MKLN1: variants seen among roughly 807,000 people sequenced by gnomAD.
MKLN1 encodes muskelin 1.
A neutral mutation model predicts 99.0 loss-of-function variants in MKLN1; 18 were observed. The ratio of observed to expected loss-of-function variants is 0.18; its 90% CI spans 0.13 to 0.27. MKLN1 has a LOEUF of 0.27. MKLN1 is among the 10% of genes least tolerant of loss of function. MKLN1 has a pLI of 1.00. For missense variants in MKLN1, 621 were observed against 875.9 expected (o/e 0.71, Z 3.67); for synonymous variants, 288 against 293.2 (o/e 0.98, Z 0.18).
chr7:131,223,586 C>T (rs987865617), intron 3 of MKLN1, among the ~76,000 whole-genome samples: 6 of 152,078 alleles, frequency 3.9e-5, no homozygotes, highest in African/African-American at 1.2e-4. Context: ...GTCAGCTTGC[C>T]GCTCTTAATT....
rs202238359 is a variant in MKLN1 at position 131,185,587 on chromosome 7, T to TA, written c.-296-17264dup. On this transcript the variant is annotated intron_variant, in intron 2 of 7. Transcript: ENST00000416992. ...AGCAAGATTCCATCTCAAAAAAAAA[T>TA]AAAAAATAAAAAAATTACTTTCCCA... is the stretch of plus-strand genomic sequence containing the variant. 8.4e-3 allele frequency among the ~76,000 whole-genome samples: 1,274 copies of TA among 151,444 alleles called. 12 individuals carry two copies. The highest frequency in any genetic ancestry group is 0.048 in the Middle Eastern group (14 of 290).
At chr7:131,344,789 A>T (rs533950872) in intron 1 of MKLN1, among the ~76,000 whole-genome samples, 3 of 152,242 alleles carry the variant, frequency 2.0e-5, no homozygotes, top group African/African-American at 7.2e-5. Flanking sequence ...TCAATTTGTC[A>T]GTTGATGGAT....
intron 2 of MKLN1, among the ~76,000 whole-genome samples, chr7:131,193,120 T>C (rs1298591972): frequency 1.3e-5 from 2 of 152,178 alleles, no homozygotes; most frequent in Non-Finnish European, 2.9e-5. Context: ...TACAGAATTG[T>C]TTAGGGATTT....
chr7:131,343,390 A>G (rs1367824626), intron 1 of MKLN1, among the ~76,000 whole-genome samples: 4 of 152,024 alleles, frequency 2.6e-5, no homozygotes, highest in Non-Finnish European at 5.9e-5. Flanking sequence ...TCTTATCCTT[A>G]TTTCTTTCCA....
chr7:131,252,976 A>C (rs929505183), intron 3 of MKLN1, among the ~76,000 whole-genome samples: 4 of 152,130 alleles, frequency 2.6e-5, no homozygotes, highest in Admixed American at 6.6e-5. Flanking sequence ...AGTCAAGAAA[A>C]AGTTTAGTGT....
At chr7:131,422,779 G>T (rs1182683394) in intron 8 of MKLN1, among the ~76,000 whole-genome samples, 3 of 151,602 alleles carry the variant, frequency 2.0e-5, no homozygotes. Context: ...TAAGGATACA[G>T]TGACCATTTT....
At chr7:131,236,545 T>C (rs1229331503) in intron 3 of MKLN1, among the ~76,000 whole-genome samples, 1 of 151,836 alleles carries the variant, frequency 6.6e-6, no homozygotes, top group Non-Finnish European at 1.5e-5. Context: ...CCTGTAGTCC[T>C]AGCTAATAGG....
intron 3 of MKLN1, among the ~76,000 whole-genome samples, chr7:131,238,486 GAT>G (rs1246979542): frequency 4.6e-5 from 7 of 152,196 alleles, no homozygotes; most frequent in Non-Finnish European, 1.0e-4. Flanking sequence ...GAGGTCATGA[GAT>G]CACTTATTTG....
intron 12 of MKLN1, among the ~76,000 whole-genome samples, chr7:131,450,736 C>T (rs1393455525): frequency 2.0e-5 from 3 of 152,182 alleles, no homozygotes; most frequent in Non-Finnish European, 1.5e-5. Context: ...TACTGCTTAC[C>T]TCTCAGATCT....
intron 3 of MKLN1, among the ~76,000 whole-genome samples, chr7:131,213,371 T>C (rs1796934450): frequency 6.6e-6 from 1 of 152,240 alleles, no homozygotes; most frequent in Non-Finnish European, 1.5e-5. Context: ...GCCTTAAGGA[T>C]GTGAAGGTTG....
chr7:131,195,022 C>T (rs750267819), intron 2 of MKLN1, among the ~76,000 whole-genome samples: 10 of 152,118 alleles, frequency 6.6e-5, no homozygotes, highest in Non-Finnish European at 1.5e-4. Flanking sequence ...AAAGTTATCT[C>T]GCAAAAACAA....
chr7:131,299,711 G>C (rs1798347896), intron 3 of MKLN1, among the ~76,000 whole-genome samples: 1 of 152,160 alleles, frequency 6.6e-6, no homozygotes. Context: ...TGAATCATCA[G>C]AATTGTCTAT....
rs71168363 is a variant in MKLN1, at chr7:131,113,667, C to CAA, written c.-419+3479_-419+3480dup. On this transcript the variant is annotated intron_variant, in intron 1 of 7. Coordinates refer to the MKLN1 transcript ENST00000416992. Reference sequence around the variant, plus strand: ...TGAAACCCCTGTCTCTACAAAAATACAAAAAAAAAAAAAAAAAAAATTAGC... The same window carrying CAA: ...TGAAACCCCTGTCTCTACAAAAATACAAAAAAAAAAAAAAAAAAAAAATTAGC... Among the ~76,000 whole-genome samples the CAA allele has an allele frequency of 3.8e-3, 366 of 96,444 alleles. 2 individuals are homozygous for CAA. The highest frequency in any genetic ancestry group is 0.011 in the South Asian group (30 of 2,850). The allele number at this position is 96,444 out of a possible 152,430, so 63.3% of individuals were successfully genotyped here.
rs1796371563 is a variant in MKLN1, at chr7:131,457,245, C to G, written c.1526-5972C>G. 4.6e-5 allele frequency among the ~76,000 whole-genome samples: 7 copies of G among 151,266 alleles called. No homozygotes were observed. The South Asian group carries it at 1.5e-3, about 31-fold the overall frequency. ...TCAGCTGAAACTGTGCCATTGCACT[C>G]CAGCCTGGGCAACAAGAGCGAAACT... On this transcript the variant is annotated intron_variant, in intron 12 of 17. Transcript: ENST00000352689.
chr7:131,360,974 C>G (rs1458079862), intron 1 of MKLN1, among the ~76,000 whole-genome samples: 1 of 151,964 alleles, frequency 6.6e-6, no homozygotes, highest in African/African-American at 2.4e-5. Flanking sequence ...ATTTCGTTCC[C>G]ACTCTTTTCT....
intron 3 of MKLN1, among the ~76,000 whole-genome samples, chr7:131,244,916 C>G (rs938345076): frequency 6.6e-6 from 1 of 152,188 alleles, no homozygotes; most frequent in Non-Finnish European, 1.5e-5. Context: ...GACACCCCTA[C>G]ACGGCGGCAC....
intron 2 of MKLN1, among the ~76,000 whole-genome samples, chr7:131,167,119 G>A (rs1356184568): frequency 6.6e-6 from 1 of 151,466 alleles, no homozygotes; most frequent in Non-Finnish European, 1.5e-5. Context: ...CATACTATTT[G>A]TTTACTTGCT....
intron 3 of MKLN1, among the ~76,000 whole-genome samples, chr7:131,272,853 G>A (rs1011007350): frequency 3.3e-5 from 5 of 152,074 alleles, no homozygotes; most frequent in Admixed American, 6.6e-5. Flanking sequence ...ACCCCTCCCC[G>A]GGTCCCTCCC....
intron 2 of MKLN1, among the ~76,000 whole-genome samples, chr7:131,178,347 G>A (rs1796331914): frequency 7.3e-6 from 1 of 137,288 alleles, no homozygotes; most frequent in South Asian, 2.3e-4. Context: ...ACGTTGGCCA[G>A]GCTGGTCTTG....
Sources: allele counts gnomAD v4.1 joint callset (sites outside exome capture counted in the v4.1 genomes callset), GRCh38; gene constraint gnomAD v4.1.1; transcripts MANE v1.5; gene names NCBI Gene and HGNC (gene_info 2026-07-23, HGNC 2026-07-21).